FRMD4A: variants seen among roughly 807,000 people sequenced by gnomAD.
The protein encoded by FRMD4A is FERM domain-containing protein 4A.
A neutral mutation model predicts 129.1 loss-of-function variants in FRMD4A; 29 were observed. That is an observed-to-expected ratio of 0.22 (90% confidence interval 0.17 to 0.31). The LOEUF (loss-of-function observed/expected upper bound fraction) is 0.31, where lower values mean the gene tolerates loss of function less well. Among genes scored for constraint, FRMD4A ranks in the 10% least tolerant of loss-of-function variants. The pLI is 1.00. For synonymous variants in FRMD4A, 634 were observed against 571.6 expected, an observed-to-expected ratio of 1.11 and a Z score of -1.56; for missense variants, 1,272 against 1,375.8, an observed-to-expected ratio of 0.92 and a Z score of 1.19.
intron 2 of FRMD4A, among the ~76,000 whole-genome samples, chr10:14,218,119 G>A (rs1247648187): frequency 6.6e-6 from 1 of 152,166 alleles, no homozygotes; most frequent in Non-Finnish European, 1.5e-5. Context: ...CATGAGCCAT[G>A]GTGCCCAGCT....
At chr10:13,773,965 A>G (rs1056513146) in intron 6 of FRMD4A, among the ~76,000 whole-genome samples, 3 of 152,220 alleles carry the variant, frequency 2.0e-5, no homozygotes, top group Non-Finnish European at 4.4e-5. Flanking sequence ...GGGAACACGC[A>G]ACGTTCCAGG....
intron 2 of FRMD4A, among the ~76,000 whole-genome samples, chr10:14,242,534 C>T (rs1844085115): frequency 6.6e-6 from 1 of 152,300 alleles, no homozygotes; most frequent in South Asian, 2.1e-4. Context: ...TAAAGACATA[C>T]AAAGGATAAC....
chr10:13,687,829 C>A (rs1436215283), intron 15 of FRMD4A, among the ~76,000 whole-genome samples: 1 of 152,190 alleles, frequency 6.6e-6, no homozygotes, highest in African/African-American at 2.4e-5. Context: ...GCGGGTTCCA[C>A]GACTTTCCTC....
At chr10:14,095,531 C>T (rs1030549932) in intron 2 of FRMD4A, among the ~76,000 whole-genome samples, 14 of 152,242 alleles carry the variant, frequency 9.2e-5, no homozygotes, top group Non-Finnish European at 1.9e-4. Context: ...CGAAGCACCT[C>T]GCCGGGATAC....
intron 2 of FRMD4A, among the ~76,000 whole-genome samples, chr10:13,942,606 A>T (rs1489455480): frequency 6.6e-6 from 1 of 152,190 alleles, no homozygotes; most frequent in Non-Finnish European, 1.5e-5. Flanking sequence ...GCAAAAACAG[A>T]AAGTCTTATT....
At chr10:13,694,962 G>C (rs983167359) in intron 14 of FRMD4A, among the ~76,000 whole-genome samples, 1 of 152,042 alleles carries the variant, frequency 6.6e-6, no homozygotes, top group Non-Finnish European at 1.5e-5. Flanking sequence ...CGTCTGACAC[G>C]GTGCTTTGCT....
intron 2 of FRMD4A, among the ~76,000 whole-genome samples, chr10:14,056,062 C>T (rs1256363052): frequency 2.6e-5 from 4 of 152,170 alleles, no homozygotes; most frequent in African/African-American, 9.7e-5. Flanking sequence ...GATGTAGTCT[C>T]ACTCTGTCGC....
At chr10:14,262,977 TTCTG>T (rs1216433001) in intron 2 of FRMD4A, among the ~76,000 whole-genome samples, 1 of 152,210 alleles carries the variant, frequency 6.6e-6, no homozygotes, top group Non-Finnish European at 1.5e-5. Context: ...GCTGTTCTCA[TTCTG>T]TCTGTCAGTG....
At chr10:13,925,062 T>TAAAAAAAAAAAA (rs57484737) in intron 2 of FRMD4A, among the ~76,000 whole-genome samples, 1 of 103,236 alleles carries the variant, frequency 9.7e-6, no homozygotes, top group African/African-American at 3.8e-5. Context: ...AGACTCCGTG[T>TAAAAAAAAAAAA]AAAAAAAAAA....
At chr10:13,974,091 G>A (rs774473318) in intron 2 of FRMD4A, among the ~76,000 whole-genome samples, 8 of 145,316 alleles carry the variant, frequency 5.5e-5, no homozygotes, top group Non-Finnish European at 8.9e-5. Context: ...GCAGTGGTGC[G>A]ATTTCGGCTC....
At chr10:13,896,673 C>G (rs2094762286) in intron 2 of FRMD4A, among the ~76,000 whole-genome samples, 1 of 151,010 alleles carries the variant, frequency 6.6e-6, no homozygotes, top group African/African-American at 2.4e-5. Flanking sequence ...TGTCCCAGAA[C>G]TTGAAGTTAA....
chr10:13,710,748 C>T (rs568795911), intron 12 of FRMD4A: 1 of 152,372 alleles, frequency 6.6e-6, no homozygotes, highest in Admixed American at 6.5e-5. Flanking sequence ...TATGGTGGCT[C>T]ATGCCTGGAA....
intron 8 of FRMD4A, among the ~76,000 whole-genome samples, chr10:13,752,486 T>C (rs1041203944): frequency 2.0e-5 from 3 of 152,150 alleles, no homozygotes; most frequent in Non-Finnish European, 2.9e-5. Flanking sequence ...CTGGGTCAAA[T>C]GAGATGTATG....
chr10:14,329,976 C>A, intron 2 of FRMD4A, 82 bp downstream of exon 2: 1 of 1,309,174 alleles, frequency 7.6e-7, no homozygotes, highest in East Asian at 2.5e-5. Flanking sequence ...TCTGCAGCCA[C>A]TGCAGCGGCA....
intron 2 of FRMD4A, among the ~76,000 whole-genome samples, chr10:14,317,257 CCT>C (rs1846774587): frequency 6.6e-6 from 1 of 152,158 alleles, no homozygotes; most frequent in East Asian, 1.9e-4. Flanking sequence ...AGGATCTTGA[CCT>C]CTCTTTCTCT....
intron 2 of FRMD4A, among the ~76,000 whole-genome samples, chr10:14,059,885 G>A (rs1380520674): frequency 6.6e-6 from 1 of 152,076 alleles, no homozygotes; most frequent in African/African-American, 2.4e-5. Flanking sequence ...ACCCTTCCAG[G>A]TATGAATGTA....
intron 2 of FRMD4A, among the ~76,000 whole-genome samples, chr10:14,044,364 C>G (rs2131678151): frequency 6.6e-6 from 1 of 152,332 alleles, no homozygotes; most frequent in Non-Finnish European, 1.5e-5. Context: ...TAGTGGCTCC[C>G]TGACCCCCAT....
intron 2 of FRMD4A, among the ~76,000 whole-genome samples, chr10:13,975,726 ATCTC>A (rs1305042053): frequency 6.6e-6 from 1 of 150,414 alleles, no homozygotes; most frequent in Non-Finnish European, 1.5e-5. Context: ...ATCTCTCTGA[ATCTC>A]TATATATGTG....
At chr10:13,797,923 A>T (rs1199270332) in intron 4 of FRMD4A, among the ~76,000 whole-genome samples, 1 of 89,228 alleles carries the variant, frequency 1.1e-5, no homozygotes, top group African/African-American at 3.1e-5. Context: ...CACAAGAAAA[A>T]AAAAAAAAAA....
Sources: allele counts gnomAD v4.1 joint callset (sites outside exome capture counted in the v4.1 genomes callset), GRCh38; gene constraint gnomAD v4.1.1; transcripts MANE v1.5; gene names NCBI Gene and HGNC (gene_info 2026-07-23, HGNC 2026-07-21).